Variants in IQSEC3 observed in about 807,000 individuals in gnomAD.
The protein encoded by IQSEC3 is IQ motif and SEC7 domain-containing protein 3.
A neutral mutation model predicts 105.4 loss-of-function variants in IQSEC3; 50 were observed. The ratio of observed to expected loss-of-function variants is 0.47; its 90% CI spans 0.38 to 0.60. The LOEUF (loss-of-function observed/expected upper bound fraction) is 0.60, where lower values mean the gene tolerates loss of function less well. Among genes scored for constraint, IQSEC3 ranks in the 20% least tolerant of loss-of-function variants. The probability of loss-of-function intolerance (pLI) is 0.00; values close to 1 mark genes in which losing one functional copy is unlikely to be tolerated. For synonymous variants in IQSEC3, 708 were observed against 746.0 expected, an observed-to-expected ratio of 0.95 and a Z score of 0.83; for missense variants, 1,415 against 1,630.0, an observed-to-expected ratio of 0.87 and a Z score of 2.27.
chr12:157,913 G>A lies in IQSEC3; in HGVS notation c.2443+219G>A, dbSNP rs115918978. On this transcript the variant is annotated intron_variant, in intron 7 of 13. Transcript: ENST00000538872. ...GCCACCGCTCTACCAAACAGCAAGC[G>A]CCCTTGGGCAGTGCCTCTTGCCCTC... Among the ~76,000 whole-genome samples the A allele has an allele frequency of 4.9e-3, 743 of 152,368 alleles. 9 individuals carry two copies. The highest frequency in any genetic ancestry group is 0.017 in the African/African-American group (718 of 41,594).
At chr12:110,606 G>A (rs1864848835) in intron 2 of IQSEC3, among the ~76,000 whole-genome samples, 2 of 152,110 alleles carry the variant, frequency 1.3e-5, no homozygotes, top group African/African-American at 4.8e-5. Context: ...GGAGAATGGG[G>A]TCTCTCCCAA....
chr12:166,508 T>C (rs1938658689), intron 11 of IQSEC3, among the ~76,000 whole-genome samples: 1 of 152,226 alleles, frequency 6.6e-6, no homozygotes, highest in Non-Finnish European at 1.5e-5. Flanking sequence ...GGTGGTTTAC[T>C]GGCTGCTGTG....
At chr12:117,904 T>C (rs1865101264) in intron 2 of IQSEC3, among the ~76,000 whole-genome samples, 1 of 152,142 alleles carries the variant, frequency 6.6e-6, no homozygotes, top group Non-Finnish European at 1.5e-5. Context: ...AGGGGAGGCT[T>C]ATGCTGTGTC....
intron 2 of IQSEC3, among the ~76,000 whole-genome samples, chr12:100,402 C>T (rs1864385217): frequency 6.6e-6 from 1 of 152,206 alleles, no homozygotes; most frequent in African/African-American, 2.4e-5. Flanking sequence ...TGTGATCTTT[C>T]CCCCTTTATC....
At chr12:111,956 GCA>G (rs537323961) in intron 2 of IQSEC3, 63 of 152,334 alleles carry the variant, frequency 4.1e-4, no homozygotes, top group African/African-American at 1.5e-3. Flanking sequence ...GGCACACCCA[GCA>G]CAGTTTCAAC....
intron 2 of IQSEC3, among the ~76,000 whole-genome samples, chr12:110,310 A>G (rs782290426): frequency 6.6e-6 from 1 of 152,022 alleles, no homozygotes; most frequent in Non-Finnish European, 1.5e-5. Flanking sequence ...TTGTCACAGA[A>G]CTAAGTCCTA....
rs1414318891 is a variant in IQSEC3 at position 103,851 on chromosome 12, AT to A, written c.623+4638del. Among the ~76,000 whole-genome samples, 8 of 1,898 alleles carry A rather than the reference AT, an allele frequency of 4.2e-3. 3 individuals are homozygous for A. The highest frequency in any genetic ancestry group is 0.036 in the African/African-American group (8 of 220). 1.2% of individuals were successfully genotyped at this position (1,898 alleles called of 152,430 possible). ...GACTCAGGAGGGAGAGGTGGAGTTCATGAGGGGAGGCGGCTCGGGAGGGGAG... is the reference window on the plus strand; with the variant it reads ...GACTCAGGAGGGAGAGGTGGAGTTCAGAGGGGAGGCGGCTCGGGAGGGGAG... On this transcript the variant is annotated intron_variant, in intron 2 of 13. Coordinates refer to ENST00000538872, the MANE Select transcript of IQSEC3 (RefSeq NM_001170738.2).
chr12:68,722 TG>T (rs1182681337), intron 1 of IQSEC3, among the ~76,000 whole-genome samples: 4 of 152,258 alleles, frequency 2.6e-5, no homozygotes, highest in Non-Finnish European at 5.9e-5. Flanking sequence ...GCATTAAGTC[TG>T]GGAGATACTT....
rs369721891 is a variant in IQSEC3 at position 125,965 on chromosome 12, G to T, written c.903+53G>T. ...GAGGGTGGTGAAGGGGCCCTGCTTT[G>T]GGGGCTGTCGAGGGTACCAGGGATA... On this transcript the variant is annotated intron_variant, in intron 3 of 13. Coordinates refer to ENST00000538872, the MANE Select transcript of IQSEC3 (RefSeq NM_001170738.2). 4,980 of 1,494,836 alleles carry T rather than the reference G, an allele frequency of 3.3e-3. 43 individuals carry two copies. Among genetic ancestry groups the T allele is most frequent in the African/African-American group, 0.031 (2,174 of 71,060 alleles). 92.6% of individuals were successfully genotyped at this position (1,494,836 alleles called of 1,614,324 possible).
intron 1 of IQSEC3, among the ~76,000 whole-genome samples, chr12:87,287 G>A (rs1239981010): frequency 6.6e-6 from 1 of 152,002 alleles, no homozygotes; most frequent in Non-Finnish European, 1.5e-5. Flanking sequence ...GAGTCATTTG[G>A]GCTTCCTCCC....
At chr12:94,926 C>T (rs1555074387) in intron 1 of IQSEC3, among the ~76,000 whole-genome samples, 1 of 152,208 alleles carries the variant, frequency 6.6e-6, no homozygotes, top group East Asian at 1.9e-4. Flanking sequence ...CCAAACCTGT[C>T]CTGGGACCCC....
chr12:90,080 C>T (rs551739666), intron 1 of IQSEC3, among the ~76,000 whole-genome samples: 5 of 152,348 alleles, frequency 3.3e-5, no homozygotes, highest in East Asian at 3.9e-4. Flanking sequence ...TGTCAACACT[C>T]GGTTTTGTCA....
intron 1 of IQSEC3, among the ~76,000 whole-genome samples, chr12:91,469 T>C (rs1292138906): frequency 1.3e-5 from 2 of 152,128 alleles, no homozygotes; most frequent in African/African-American, 4.8e-5. Flanking sequence ...TCCCCCATCT[T>C]CCTGGTTCTT....
chr12:105,783 A>C (rs1864628544), intron 2 of IQSEC3, among the ~76,000 whole-genome samples: 1 of 152,146 alleles, frequency 6.6e-6, no homozygotes, highest in Non-Finnish European at 1.5e-5. Flanking sequence ...CTCAGCAGGG[A>C]TGTGAAACTC....
intron 1 of IQSEC3, among the ~76,000 whole-genome samples, chr12:92,778 T>A (rs2136906198): frequency 6.6e-6 from 1 of 152,308 alleles, no homozygotes. Flanking sequence ...GTGTGACGAT[T>A]CAGGTACAGA....
chr12:113,951 C>T (rs189709801), intron 2 of IQSEC3, among the ~76,000 whole-genome samples: 1 of 152,216 alleles, frequency 6.6e-6, no homozygotes, highest in African/African-American at 2.4e-5. Context: ...AAAGCATAAA[C>T]CAGATAATTC....
At chr12:67,856 G>T (rs1222603471) in intron 1 of IQSEC3, among the ~76,000 whole-genome samples, 3 of 152,156 alleles carry the variant, frequency 2.0e-5, no homozygotes, top group Non-Finnish European at 4.4e-5. Context: ...TTTGCATGGA[G>T]ACTGAGATGT....
intron 2 of IQSEC3, among the ~76,000 whole-genome samples, chr12:112,804 T>C (rs950966201): frequency 1.3e-5 from 2 of 152,154 alleles, no homozygotes; most frequent in African/African-American, 2.4e-5. Flanking sequence ...GACCCTCTGG[T>C]GAAATGCAGT....
At chr12:154,149 G>A (rs1324536142) in intron 5 of IQSEC3, among the ~76,000 whole-genome samples, 4 of 152,166 alleles carry the variant, frequency 2.6e-5, no homozygotes, top group Admixed American at 2.0e-4. Flanking sequence ...TTTTCAACCT[G>A]GCTGCTTCCC....
Sources: allele counts gnomAD v4.1 joint callset (sites outside exome capture counted in the v4.1 genomes callset), GRCh38; gene constraint gnomAD v4.1.1; transcripts MANE v1.5; gene names NCBI Gene and HGNC (gene_info 2026-07-23, HGNC 2026-07-21).